Variants in IGF2R observed in about 807,000 individuals in gnomAD.
The protein encoded by IGF2R is cation-independent mannose-6-phosphate receptor.
IGF2R carries 91 observed loss-of-function variants against 270.6 expected under a neutral mutation model. The ratio of observed to expected loss-of-function variants is 0.34; its 90% confidence interval spans 0.28 to 0.40. The LOEUF (loss-of-function observed/expected upper bound fraction) is 0.40, where lower values mean the gene tolerates loss of function less well. Ranked by LOEUF, IGF2R falls within the 10% of genes least tolerant of loss-of-function variation. The pLI is 1.00. For synonymous variants in IGF2R, 1,316 were observed against 1,258.9 expected (o/e 1.05, Z -0.96); for missense variants, 2,805 against 3,188.3 (o/e 0.88, Z 2.90).
chr6:160,105,938 T>TGTGTGTGA lies in IGF2R; in HGVS notation c.*855_*856insTGTGTGAG, dbSNP rs961509219. ...GTGTGTGTGTGTGTGTGTGTGTGTG[T>TGTGTGTGA]GAGTGGAGTTGAGGTGTCAGAGAAA... On this transcript the variant is annotated 3_prime_UTR_variant, in exon 48 of 48. Transcript: ENST00000356956. The TGTGTGTGA allele has an allele frequency of 6.9e-6, 1 of 144,586 alleles. No homozygotes were observed. The highest frequency in any genetic ancestry group is 2.6e-5 in the African/African-American group (1 of 37,890). The allele number at this position is 144,586 out of a possible 1,614,324, so 9.0% of individuals were successfully genotyped here. A position where few individuals can be genotyped will look rare whatever the true frequency, so the allele number is the denominator to read the frequency against.
In IGF2R at chr6:160,034,367, T is replaced by C. The variant is rs532110062; in HGVS notation, c.1212-52T>C. Reference sequence around the variant, plus strand: ...TGTAGACATTTAAAAAGATTCAAGTTTTTTTCTTGGTTCTCCCAAACACAT... The same window carrying C: ...TGTAGACATTTAAAAAGATTCAAGTCTTTTTCTTGGTTCTCCCAAACACAT... On this transcript the variant is annotated intron_variant, in intron 9 of 47. Coordinates refer to ENST00000356956, the MANE Select transcript of IGF2R (RefSeq NM_000876.4). 3 of 1,225,418 alleles carry C rather than the reference T, an allele frequency of 2.4e-6. No homozygotes were observed. The African/African-American group carries it at 4.5e-5, about 18-fold the overall frequency. 75.9% of individuals were successfully genotyped at this position (1,225,418 alleles called of 1,614,324 possible). A position where few individuals can be genotyped will look rare whatever the true frequency, so the allele number is the denominator to read the frequency against.
intron 45 of IGF2R, among the ~76,000 whole-genome samples, chr6:160,097,026 C>A (rs866309518): frequency 2.0e-5 from 3 of 152,256 alleles, no homozygotes; most frequent in Non-Finnish European, 4.4e-5. Context: ...TCTTTTGTGT[C>A]GTAATACAAA....
chr6:160,088,229 T>C, intron 42 of IGF2R, 82 bp downstream of exon 42: 1 of 940,930 alleles, frequency 1.1e-6, no homozygotes, highest in Non-Finnish European at 1.7e-6. Flanking sequence ...CATGGGCAGG[T>C]TTTGGCTGAG....
intron 2 of IGF2R, among the ~76,000 whole-genome samples, chr6:160,008,670 A>G (rs771783893): frequency 1.6e-4 from 24 of 152,276 alleles, no homozygotes; most frequent in Middle Eastern, 3.4e-3. Flanking sequence ...GAGGGATGAG[A>G]CTAGTGTGGA....
At chr6:160,062,879 G>A (rs988781775) in intron 26 of IGF2R, among the ~76,000 whole-genome samples, 1 of 151,462 alleles carries the variant, frequency 6.6e-6, no homozygotes, top group East Asian at 1.9e-4. Flanking sequence ...TGTGGGGTTT[G>A]GTTTTGTGTT....
intron 19 of IGF2R, among the ~76,000 whole-genome samples, chr6:160,055,876 A>G (rs1355022398): frequency 6.6e-6 from 1 of 152,104 alleles, no homozygotes; most frequent in Non-Finnish European, 1.5e-5. Flanking sequence ...GGAGCTTTTT[A>G]TGGAAACATA....
intron 10 of IGF2R, among the ~76,000 whole-genome samples, chr6:160,036,138 T>G (rs563766062): frequency 6.6e-6 from 1 of 152,250 alleles, no homozygotes; most frequent in South Asian, 2.1e-4. Context: ...TGGAAATCTG[T>G]GAAGTCCCAA....
At chr6:160,054,604 G>A (rs185744033) in intron 19 of IGF2R, among the ~76,000 whole-genome samples, 2 of 152,302 alleles carry the variant, frequency 1.3e-5, no homozygotes, top group African/African-American at 2.4e-5. Context: ...GGAAAGGGGT[G>A]TAATGGGGTA....
At position 160,063,541 on chromosome 6, in the gene IGF2R, C is replaced by T. The variant is rs1778489363; in HGVS notation, c.3797C>T (p.Ser1266Phe). 1 of 1,614,232 alleles carries T rather than the reference C, an allele frequency of 6.2e-7. No individual in the cohort carries two copies. Among genetic ancestry groups the T allele is most frequent in the Non-Finnish European group, 8.5e-7 (1 of 1,180,038 alleles). Residue 1266 changes from serine (S) to phenylalanine (F), a missense_variant, in exon 27 of 48, where the codon TCC (serine) becomes TTC (phenylalanine). Ser to Phe is a radical substitution (Grantham distance 155). Coordinates refer to ENST00000356956, the MANE Select transcript of IGF2R (RefSeq NM_000876.4). ...TACTTCCGGGTCTGTGGGAAGCTTT[C>T]CTCAGACGTCTGCCCCACAAGTGAC... ...TYYFRVCGKL[S>F]SDVCPTSDKS... is the part of the protein sequence containing the mutation.
chr6:160,028,908 T>TA (rs904994523), intron 6 of IGF2R, among the ~76,000 whole-genome samples: 2 of 152,080 alleles, frequency 1.3e-5, no homozygotes, highest in Admixed American at 6.5e-5. Flanking sequence ...TTCCTTTTTT[T>TA]AAAAAAAATA....
intron 1 of IGF2R, among the ~76,000 whole-genome samples, chr6:159,989,119 A>G (rs1281423422): frequency 1.3e-5 from 2 of 152,170 alleles, no homozygotes; most frequent in East Asian, 1.9e-4. Flanking sequence ...TCAGGTCTGT[A>G]GCTGCTTAGT....
chr6:160,073,032 G>A (rs1778777858), intron 33 of IGF2R, 148 bp downstream of exon 33: 15 of 1,338,982 alleles, frequency 1.1e-5, no homozygotes, highest in Non-Finnish European at 1.1e-5. Context: ...CCATGTGGGG[G>A]ACACATGGTC....
At position 159,979,926 on chromosome 6, in the gene IGF2R, T is replaced by C. The variant is rs1783753214; in HGVS notation, c.149+10531T>C. Among the ~76,000 whole-genome samples the C allele has an allele frequency of 2.0e-5, 3 of 152,164 alleles. No individual in the cohort carries two copies. In the South Asian group the frequency reaches 6.2e-4, roughly 32 times the overall value. On this transcript the variant is annotated intron_variant, in intron 1 of 47. Transcript: ENST00000356956. ...AAGGCACATGGGCCGGTGCTGTGGC[T>C]CATGCCTGTAATCCCAGCACTTTGG...
intron 1 of IGF2R, among the ~76,000 whole-genome samples, chr6:159,971,390 T>C (rs922767730): frequency 6.6e-6 from 1 of 152,236 alleles, no homozygotes; most frequent in African/African-American, 2.4e-5. Flanking sequence ...TAGCAAATGC[T>C]GAAGAGGTTT....
intron 4 of IGF2R, among the ~76,000 whole-genome samples, chr6:160,020,284 C>G (rs1777402985): frequency 6.6e-6 from 1 of 150,790 alleles, no homozygotes; most frequent in Admixed American, 6.6e-5. Flanking sequence ...CTGTAAAACA[C>G]TGATGAAAGA....
chr6:159,990,352 C>G (rs1336541311), intron 1 of IGF2R, among the ~76,000 whole-genome samples: 1 of 152,116 alleles, frequency 6.6e-6, no homozygotes, highest in Admixed American at 6.5e-5. Flanking sequence ...ATGCTGTTCT[C>G]GTGGTCATGA....
In IGF2R at chr6:160,048,492, G is replaced by A. The variant is rs368314705; in HGVS notation, c.2463G>A (p.Pro821=). The A allele has an allele frequency of 1.5e-5, 25 of 1,614,024 alleles. No individual in the cohort carries two copies. The highest frequency in any genetic ancestry group is 7.7e-5 in the South Asian group (7 of 91,076). Residue 821 remains proline, a synonymous_variant, in exon 18 of 48, where the codon CCG becomes CCA. Coordinates refer to ENST00000356956, the MANE Select transcript of IGF2R (RefSeq NM_000876.4). ...INVCRPLNPV[P]GCNRYASACQ... is the part of the protein sequence containing the mutation. ...TGTGTCGGCCTCTGAATCCAGTGCC[G>A]GGCTGCAACCGATATGCATCGGCTT...
chr6:160,105,179 C>A lies in IGF2R; in HGVS notation c.*95C>A, dbSNP rs369283367. On this transcript the variant is annotated 3_prime_UTR_variant, in exon 48 of 48. Transcript: ENST00000356956. Reference sequence around the variant, plus strand: ...ACTCGATGATGCTTCTATAATTTTGCCTTTAACAGAAACTTTCAAAAGGGA... The same window carrying A: ...ACTCGATGATGCTTCTATAATTTTGACTTTAACAGAAACTTTCAAAAGGGA... 2.4e-5 allele frequency: 28 copies of A among 1,173,516 alleles called. No homozygotes were observed. In the East Asian group the frequency reaches 5.0e-4, roughly 21 times the overall value. The allele number at this position is 1,173,516 out of a possible 1,614,324, so 72.7% of individuals were successfully genotyped here.
chr6:159,972,800 C>T (rs1446871574), intron 1 of IGF2R, among the ~76,000 whole-genome samples: 1 of 152,226 alleles, frequency 6.6e-6, no homozygotes, highest in Admixed American at 6.5e-5. Flanking sequence ...GGGGCCTGCC[C>T]TCTGAGTTGT....
Sources: gnomAD v4.1 joint callset for allele counts (sites outside exome capture counted in the v4.1 genomes callset) on GRCh38, gnomAD v4.1.1 for gene constraint, MANE v1.5 for transcripts, NCBI Gene and HGNC (gene_info 2026-07-23, HGNC 2026-07-21) for gene names.